CTBS: variants seen among roughly 807,000 people sequenced by gnomAD.
The protein encoded by CTBS is chitobiase.
A neutral mutation model predicts 44.3 loss-of-function variants in CTBS; 35 were observed. That is an observed-to-expected ratio of 0.79 (90% CI 0.60 to 1.05). The LOEUF is 1.05. Ranked by LOEUF, CTBS falls within the 50% of genes least tolerant of loss-of-function variation. The probability of loss-of-function intolerance (pLI) is 0.00; values close to 1 mark genes in which losing one functional copy is unlikely to be tolerated. For synonymous variants in CTBS, 143 were observed against 168.0 expected, an observed-to-expected ratio of 0.85 and a Z score of 1.15; for missense variants, 458 against 475.3, an observed-to-expected ratio of 0.96 and a Z score of 0.34.
chr1:84,564,524 A>G (rs1460499529), intron 4 of CTBS, among the ~76,000 whole-genome samples: 5 of 152,082 alleles, frequency 3.3e-5, no homozygotes, highest in Non-Finnish European at 7.4e-5. Context: ...TCCCAAACAT[A>G]TTGGTTTATT....
chr1:84,571,260 T>C (rs139554965), intron 1 of CTBS, among the ~76,000 whole-genome samples: 35 of 152,256 alleles, frequency 2.3e-4, no homozygotes, highest in African/African-American at 7.9e-4. Context: ...AAGTAAGAGA[T>C]GATGGTGACC....
chr1:84,555,286 T>A (rs914381269), intron 6 of CTBS, 87 bp from the exon 7 acceptor site: 5 of 1,024,180 alleles, frequency 4.9e-6, no homozygotes, highest in Non-Finnish European at 6.8e-6. Flanking sequence ...AAGTATACAG[T>A]ACAGTAAGAG....
Position 84,550,903 on chromosome 1 carries a change from ATCGTT to A in CTBS, c.*4091_*4095del. 2 of 978,302 alleles carry A rather than the reference ATCGTT, an allele frequency of 2.0e-6. No individual in the cohort carries two copies. The highest frequency in any genetic ancestry group is 2.4e-6 in the Non-Finnish European group (2 of 823,468). The allele number at this position is 978,302 out of a possible 1,614,324, so 60.6% of individuals were successfully genotyped here. A position where few individuals can be genotyped will look rare whatever the true frequency, so the allele number is the denominator to read the frequency against. On this transcript the variant is annotated 3_prime_UTR_variant, in exon 7 of 7. Transcript: ENST00000370630. ...ACTGACATTTAATTTTTTATGGGTA[ATCGTT>A]TCATTTTTTCTGGTTATTTTCATAT...
chr1:84,556,710 C>CAA (rs11417377), intron 6 of CTBS, among the ~76,000 whole-genome samples: 7,876 of 93,244 alleles, frequency 0.084, 618 homozygotes, highest in African/African-American at 0.18. Flanking sequence ...GACTCCGTCT[C>CAA]AAAAAAAAAA....
rs778287169 is a variant in CTBS at position 84,550,441 on chromosome 1, A to C, written c.*4558T>G. The C allele has an allele frequency of 6.5e-7, 1 of 1,535,700 alleles. No homozygotes were observed. The highest frequency in any genetic ancestry group is 1.9e-5 in the Admixed American group (1 of 52,130). ...CTATCTATCCACACAGAATTACCTA[A>C]TAATCCAGATCACTGAGGTACAGCA... On this transcript the variant is annotated 3_prime_UTR_variant, in exon 7 of 7. Transcript: ENST00000370630.
chr1:84,570,880 T>A (rs1570476747), intron 1 of CTBS, among the ~76,000 whole-genome samples, 160 bp from the exon 2 acceptor site: 1 of 151,866 alleles, frequency 6.6e-6, no homozygotes, highest in Non-Finnish European at 1.5e-5. Flanking sequence ...GTGGCAGGGG[T>A]AATTAGCCAG....
intron 5 of CTBS, 148 bp downstream of exon 5, chr1:84,563,587 C>A: frequency 3.2e-6 from 2 of 634,432 alleles, no homozygotes; most frequent in Non-Finnish European, 4.8e-6. Flanking sequence ...GTATGATAAT[C>A]ATAAGCTTTC....
intron 6 of CTBS, among the ~76,000 whole-genome samples, chr1:84,557,488 G>A (rs1474582331): frequency 7.3e-6 from 1 of 137,364 alleles, no homozygotes; most frequent in East Asian, 2.1e-4. Flanking sequence ...AGCCGAGATC[G>A]TGCCACTGCA....
At chr1:84,563,932 T>A in intron 4 of CTBS, 100 bp from the exon 5 acceptor site, 1 of 1,333,106 alleles carries the variant, frequency 7.5e-7, no homozygotes, top group Non-Finnish European at 9.8e-7. Flanking sequence ...TAAAAACAAG[T>A]ACATTTATAA....
chr1:84,552,745 C>A lies in CTBS; in HGVS notation c.*2254G>T. 1 of 214,898 alleles carries A rather than the reference C, an allele frequency of 4.7e-6. No homozygotes were observed. Among genetic ancestry groups the A allele is most frequent in the Non-Finnish European group, 9.2e-6 (1 of 108,928 alleles). The allele number at this position is 214,898 out of a possible 1,614,324, so 13.3% of individuals were successfully genotyped here. On this transcript the variant is annotated 3_prime_UTR_variant, in exon 7 of 7. Coordinates refer to ENST00000370630, the MANE Select transcript of CTBS (RefSeq NM_004388.3). ...AACAGGTTTTGAAGTTTAAGCAAAA[C>A]ATAAAATTCTTTCTCACTCTAGTTT...
chr1:84,554,788 T>C lies in CTBS; in HGVS notation c.*211A>G. ...AAACATCTAATAGAGGAATATTTAATAGGTAAGTTGACTTGCTTCTTGCCT... is the reference window on the plus strand; with the variant it reads ...AAACATCTAATAGAGGAATATTTAACAGGTAAGTTGACTTGCTTCTTGCCT... On this transcript the variant is annotated 3_prime_UTR_variant, in exon 7 of 7. Transcript: ENST00000370630. 2.1e-6 allele frequency: 1 copy of C among 473,748 alleles called. No individual in the cohort carries two copies. 29.3% of individuals were successfully genotyped at this position (473,748 alleles called of 1,614,324 possible).
intron 1 of CTBS, chr1:84,573,899 T>C: frequency 8.6e-7 from 1 of 1,163,302 alleles, no homozygotes; most frequent in Non-Finnish European, 1.1e-6. Flanking sequence ...CTTGGAAACA[T>C]AAATGGATTA....
Position 84,550,107 on chromosome 1 carries a change from A to C in CTBS, c.*4892T>G, listed in dbSNP as rs2102007584. On this transcript the variant is annotated 3_prime_UTR_variant, in exon 7 of 7. Transcript: ENST00000370630. ...TCATATTATTAAGTATTTTAAAATA[A>C]TTCTAATCTTATTCAGCTGATAAAG... 1.2e-5 allele frequency: 2 copies of C among 160,064 alleles called. 1 individual carries two copies. The highest frequency in any genetic ancestry group is 4.8e-5 in the African/African-American group (2 of 41,836). 9.9% of individuals were successfully genotyped at this position (160,064 alleles called of 1,614,324 possible). A position where few individuals can be genotyped will look rare whatever the true frequency, so the allele number is the denominator to read the frequency against.
At chr1:84,562,648 T>C (rs1684616830) in intron 6 of CTBS, among the ~76,000 whole-genome samples, 1 of 152,218 alleles carries the variant, frequency 6.6e-6, no homozygotes, top group Non-Finnish European at 1.5e-5. Context: ...CTGTAACTTT[T>C]CTTTGCCATT....
At position 84,565,970 on chromosome 1, in the gene CTBS, TTCTG is replaced by T; in HGVS notation, c.564_567del (p.Asp188GlufsTer18). 1 of 1,589,220 alleles carries T rather than the reference TTCTG, an allele frequency of 6.3e-7. No homozygotes were observed. The highest frequency in any genetic ancestry group is 8.6e-7 in the Non-Finnish European group (1 of 1,168,962). On this transcript the variant is annotated frameshift_variant, in exon 4 of 7. Coordinates refer to ENST00000370630, the MANE Select transcript of CTBS (RefSeq NM_004388.3). LOFTEE classifies it high-confidence loss of function. Reference sequence around the variant, plus strand: ...GCGATTCCAGTATAATTATAGCATCTTCTGTCTATGTTCTTTGGAGACCAAGCTA... The same window carrying T: ...GCGATTCCAGTATAATTATAGCATCTTCTATGTTCTTTGGAGACCAAGCTA...
Position 84,563,294 on chromosome 1 carries a change from C to A in CTBS, c.920G>T (p.Trp307Leu), listed in dbSNP as rs1684628602. The A allele has an allele frequency of 3.2e-6, 5 of 1,584,286 alleles. No homozygotes were observed. The highest frequency in any genetic ancestry group is 4.3e-6 in the Non-Finnish European group (5 of 1,165,730). The change falls in exon 6 of 7, where the codon TGG becomes TTG. Residue 307 changes from tryptophan (W) to leucine (L), a missense_variant. By Grantham distance (61) the Trp-to-Leu change is moderately conservative (BLOSUM62 -2). Transcript: ENST00000370630. ...ATAAGGAGCCCGCTGATCTTTATCCCATAGGTTTCCAGAAATAGAACTATT... is the reference window on the plus strand; with the variant it reads ...ATAAGGAGCCCGCTGATCTTTATCCAATAGGTTTCCAGAAATAGAACTATT... ...QINSSISGNL[W>L]DKDQRAPYYN...
chr1:84,560,097 A>AAAGAAAG lies in CTBS; in HGVS notation c.957+3159_957+3160insCTTTCTT, dbSNP rs1464905030. On this transcript the variant is annotated intron_variant, in intron 6 of 6. Transcript: ENST00000370630. ...AGACTCTGTCTCAAAAAAAAAAAAAAAAAGAAAGAAAGAAAGAAAGAAAGA... is the reference window on the plus strand; with the variant it reads ...AGACTCTGTCTCAAAAAAAAAAAAAAAAGAAAGAAAGAAAGAAAGAAAGAAAGAAAGA... Among the ~76,000 whole-genome samples the AAAGAAAG allele has an allele frequency of 6.1e-5, 7 of 114,718 alleles. No homozygotes were observed. In the East Asian group the frequency reaches 1.0e-3, roughly 16 times the overall value. 75.3% of individuals were successfully genotyped at this position (114,718 alleles called of 152,430 possible). A position where few individuals can be genotyped will look rare whatever the true frequency, so the allele number is the denominator to read the frequency against.
chr1:84,563,625 C>T, intron 5 of CTBS, 110 bp downstream of exon 5: 1 of 706,322 alleles, frequency 1.4e-6, no homozygotes, highest in Non-Finnish European at 2.2e-6. Context: ...TAATTTTTAT[C>T]TCAAACTATA....
chr1:84,550,415 T>A lies in CTBS; in HGVS notation c.*4584A>T, dbSNP rs370093562. On this transcript the variant is annotated 3_prime_UTR_variant, in exon 7 of 7. Transcript: ENST00000370630. ...GTTTATATGTTATACTAAATAAATA[T>A]CTATCTATCCACACAGAATTACCTA... 1.8e-5 allele frequency: 24 copies of A among 1,330,822 alleles called. No individual in the cohort carries two copies. The Admixed American group carries it at 4.2e-4, about 23-fold the overall frequency. 82.4% of individuals were successfully genotyped at this position (1,330,822 alleles called of 1,614,324 possible).
Sources: gnomAD v4.1 joint callset for allele counts (sites outside exome capture counted in the v4.1 genomes callset) on GRCh38, gnomAD v4.1.1 for gene constraint, MANE v1.5 for transcripts, NCBI Gene and HGNC (gene_info 2026-07-23, HGNC 2026-07-21) for gene names.